Variants in RMDN2 observed in about 807,000 individuals in gnomAD.
RMDN2 encodes regulator of microtubule dynamics 2.
A neutral mutation model predicts 52.8 loss-of-function variants in RMDN2; 61 were observed. The ratio of observed to expected loss-of-function variants is 1.16; its 90% CI spans 0.94 to 1.43. RMDN2 has a LOEUF of 1.43. Among genes scored for constraint, RMDN2 ranks in the 40% most tolerant of loss-of-function variants. The pLI is 0.00. For missense variants in RMDN2, 592 were observed against 475.3 expected (o/e 1.25, Z -2.28); for synonymous variants, 180 against 153.1 (o/e 1.18, Z -1.30).
At chr2:37,980,403 A>G (rs1673148122) in intron 4 of RMDN2, among the ~76,000 whole-genome samples, 1 of 152,148 alleles carries the variant, frequency 6.6e-6, no homozygotes, top group Non-Finnish European at 1.5e-5. Flanking sequence ...TCCTGGGATC[A>G]AGTGATTCTC....
At chr2:37,970,144 G>T (rs550615296) in intron 2 of RMDN2, among the ~76,000 whole-genome samples, 1 of 152,214 alleles carries the variant, frequency 6.6e-6, no homozygotes, top group South Asian at 2.1e-4. Flanking sequence ...TGTTGTGCAG[G>T]CTAGTTTTGG....
At chr2:38,040,389 GT>G (rs1173946141) in intron 10 of RMDN2, among the ~76,000 whole-genome samples, 1 of 152,136 alleles carries the variant, frequency 6.6e-6, no homozygotes, top group African/African-American at 2.4e-5. Context: ...GAGTGATTAA[GT>G]CATGAGGGTT....
intron 10 of RMDN2, among the ~76,000 whole-genome samples, chr2:38,051,597 C>A (rs1681603085): frequency 6.6e-6 from 1 of 152,156 alleles, no homozygotes; most frequent in African/African-American, 2.4e-5. Flanking sequence ...TATACTCACC[C>A]TTCTGTTTTC....
At chr2:37,946,420 C>T (rs1668225886) in intron 2 of RMDN2, among the ~76,000 whole-genome samples, 2 of 152,148 alleles carry the variant, frequency 1.3e-5, no homozygotes, top group Admixed American at 1.3e-4. Flanking sequence ...CTACCCCTCT[C>T]CTCTCCTCTA....
chr2:38,020,505 GT>G (rs1234152885), downstream of RMDN2, among the ~76,000 whole-genome samples: 24 of 152,372 alleles, frequency 1.6e-4, no homozygotes, highest in Non-Finnish European at 3.2e-4. Context: ...CTGCGGGGAG[GT>G]GTGCAGGGAG....
At chr2:38,019,868 T>G (rs1057168198), downstream of RMDN2, among the ~76,000 whole-genome samples, 1 of 152,122 alleles carries the variant, frequency 6.6e-6, no homozygotes. Flanking sequence ...AAGGCTGTGA[T>G]GAGCTGTAAT....
At position 37,929,463 on chromosome 2, in the gene RMDN2, A is replaced by C. The variant is rs1445790713; in HGVS notation, c.186A>C (p.Gln62His). The change falls in exon 2 of 11, where the codon CAA becomes CAC. Residue 62 changes from glutamine (Q) to histidine (H), a missense_variant. Gln to His is a conservative substitution (Grantham distance 24). Transcript: ENST00000354545. ...TGCAAGATGAAATACATGATGACCA[A>C]GGAACAACAGTAATCTTTCAAGAAA... ...ITLQDEIHDD[Q>H]GTTVIFQERQ... 6.4e-7 allele frequency: 1 copy of C among 1,551,742 alleles called. No individual in the cohort carries two copies. The highest frequency in any genetic ancestry group is 2.0e-5 in the Admixed American group (1 of 51,016).
At chr2:38,034,545 G>C (rs1056172156) in intron 10 of RMDN2, among the ~76,000 whole-genome samples, 2 of 151,844 alleles carry the variant, frequency 1.3e-5, no homozygotes, top group African/African-American at 4.8e-5. Flanking sequence ...TAAAGCATTC[G>C]AGATCCTGAA....
chr2:37,977,476 C>T lies in RMDN2; in HGVS notation c.730+2162C>T, dbSNP rs373054202. Among the ~76,000 whole-genome samples the T allele has an allele frequency of 6.1e-4, 93 of 151,338 alleles. No individual in the cohort carries two copies. In the South Asian group the frequency reaches 0.016, roughly 27 times the overall value. ...GCTGGCTGGGCGGGGGCTGCCCCCA[C>T]CTCCCGGACGGGGCGGCTGCCGGGC... On this transcript the variant is annotated intron_variant, in intron 4 of 10. Coordinates refer to ENST00000354545, the MANE Select transcript of RMDN2 (RefSeq NM_001170791.3).
chr2:38,012,305 AT>A (rs1266062533), intron 10 of RMDN2, among the ~76,000 whole-genome samples: 2 of 152,192 alleles, frequency 1.3e-5, no homozygotes, highest in African/African-American at 4.8e-5. Flanking sequence ...CCTTGCTATC[AT>A]TTCACACAGT....
intron 10 of RMDN2, among the ~76,000 whole-genome samples, chr2:38,058,913 T>C (rs1681940394): frequency 6.6e-6 from 1 of 152,238 alleles, no homozygotes; most frequent in Admixed American, 6.5e-5. Context: ...CTTTATATTA[T>C]ATTTATGTTC....
chr2:37,989,249 T>G (rs1674439833), intron 5 of RMDN2, among the ~76,000 whole-genome samples: 1 of 152,158 alleles, frequency 6.6e-6, no homozygotes, highest in African/African-American at 2.4e-5. Context: ...CAGGTAACAT[T>G]TATTGAAAGT....
At chr2:37,972,519 A>G (rs979684929) in intron 2 of RMDN2, among the ~76,000 whole-genome samples, 4 of 152,194 alleles carry the variant, frequency 2.6e-5, no homozygotes, top group African/African-American at 9.7e-5. Flanking sequence ...TAGGCCTTGT[A>G]GACCCCTGAA....
chr2:37,962,101 G>T (rs1442787927), intron 2 of RMDN2, among the ~76,000 whole-genome samples: 2 of 152,174 alleles, frequency 1.3e-5, no homozygotes, highest in African/African-American at 2.4e-5. Context: ...ATGCTGACTG[G>T]AGCTCTCCTA....
chr2:37,960,577 G>A (rs1238887591), intron 2 of RMDN2, among the ~76,000 whole-genome samples: 2 of 151,966 alleles, frequency 1.3e-5, no homozygotes, highest in African/African-American at 2.4e-5. Flanking sequence ...CACACCAATG[G>A]GTCTTGACTC....
At chr2:38,034,734 A>T (rs1473656625) in intron 10 of RMDN2, among the ~76,000 whole-genome samples, 1 of 150,892 alleles carries the variant, frequency 6.6e-6, no homozygotes, top group Admixed American at 6.6e-5. Flanking sequence ...TTTATAAATT[A>T]TACGTATTAA....
intron 10 of RMDN2, among the ~76,000 whole-genome samples, chr2:38,047,738 A>G (rs1032232111): frequency 3.3e-5 from 5 of 152,254 alleles, no homozygotes; most frequent in Non-Finnish European, 5.9e-5. Context: ...TTAAAATAAA[A>G]AAACCTCTCC....
Position 38,010,233 on chromosome 2 carries a change from A to C in RMDN2, c.1179+6017A>C, listed in dbSNP as rs1677764398. ...TGCTGGGAGAACCACTACTCTCTTC[A>C]GTGCTGTCAGACAGGGACATTTAAG... On this transcript the variant is annotated intron_variant, in intron 10 of 10. Coordinates refer to ENST00000354545, the MANE Select transcript of RMDN2 (RefSeq NM_001170791.3). 2.6e-5 allele frequency among the ~76,000 whole-genome samples: 4 copies of C among 152,178 alleles called. No individual in the cohort carries two copies. The South Asian group carries it at 8.3e-4, about 31-fold the overall frequency.
At chr2:38,045,205 G>A (rs1681198131) in intron 10 of RMDN2, among the ~76,000 whole-genome samples, 1 of 152,120 alleles carries the variant, frequency 6.6e-6, no homozygotes, top group South Asian at 2.1e-4. Flanking sequence ...GGCTTCTGAT[G>A]AAAAGTTCTG....
Sources: gnomAD v4.1 joint callset for allele counts (sites outside exome capture counted in the v4.1 genomes callset) on GRCh38, gnomAD v4.1.1 for gene constraint, MANE v1.5 for transcripts, NCBI Gene and HGNC (gene_info 2026-07-23, HGNC 2026-07-21) for gene names.